WDR70: variants seen among roughly 807,000 people sequenced by gnomAD.
WDR70 encodes WD repeat domain 70, also known as WD repeat-containing protein 70.
A neutral mutation model predicts 88.6 loss-of-function variants in WDR70; 53 were observed. The observed-to-expected ratio is 0.60, with a 90% CI of 0.48 to 0.75. The LOEUF is 0.75. Ranked by LOEUF, WDR70 falls within the 30% of genes least tolerant of loss-of-function variation. WDR70 has a pLI of 0.00. For missense variants in WDR70, 610 were observed against 823.2 expected, an observed-to-expected ratio of 0.74 and a Z score of 3.17; for synonymous variants, 280 against 270.0, an observed-to-expected ratio of 1.04 and a Z score of -0.36.
At chr5:37,650,419 AAAAG>A (rs1745370094) in intron 10 of WDR70, among the ~76,000 whole-genome samples, 1 of 152,096 alleles carries the variant, frequency 6.6e-6, no homozygotes, top group African/African-American at 2.4e-5. Context: ...AAGAGAAAGA[AAAAG>A]AAAGTATTGG....
At chr5:37,737,791 G>A (rs1487730971) in intron 17 of WDR70, among the ~76,000 whole-genome samples, 2 of 152,060 alleles carry the variant, frequency 1.3e-5, no homozygotes, top group African/African-American at 4.8e-5. Flanking sequence ...GTAGAATTCT[G>A]TTTCTCTTTT....
At chr5:37,641,061 AC>A (rs1745088908) in intron 10 of WDR70, among the ~76,000 whole-genome samples, 1 of 152,162 alleles carries the variant, frequency 6.6e-6, no homozygotes, top group Non-Finnish European at 1.5e-5. Flanking sequence ...CTCTATGATC[AC>A]TACAAACCAA....
At chr5:37,476,510 T>C (rs1739489454) in intron 7 of WDR70, among the ~76,000 whole-genome samples, 1 of 152,142 alleles carries the variant, frequency 6.6e-6, no homozygotes, top group African/African-American at 2.4e-5. Context: ...GTGAATACTA[T>C]TGTGAATACT....
intron 9 of WDR70, among the ~76,000 whole-genome samples, chr5:37,524,023 C>T (rs1274674512): frequency 1.3e-5 from 2 of 152,060 alleles, no homozygotes; most frequent in African/African-American, 2.4e-5. Flanking sequence ...CTGAAAGTGA[C>T]GGGGAGAATG....
chr5:37,621,249 C>T (rs991627205), intron 10 of WDR70, among the ~76,000 whole-genome samples: 2 of 152,052 alleles, frequency 1.3e-5, no homozygotes, highest in African/African-American at 4.8e-5. Flanking sequence ...ATGTATACAT[C>T]ACCATATTGT....
chr5:37,440,097 G>T (rs1405018507), intron 6 of WDR70, among the ~76,000 whole-genome samples: 3 of 151,954 alleles, frequency 2.0e-5, no homozygotes, highest in African/African-American at 7.2e-5. Flanking sequence ...TCTTAATGAT[G>T]TCTGATGTAC....
At chr5:37,564,850 T>A (rs1290023032) in intron 9 of WDR70, among the ~76,000 whole-genome samples, 1 of 152,200 alleles carries the variant, frequency 6.6e-6, no homozygotes, top group Admixed American at 6.5e-5. Flanking sequence ...AAGAAACCTT[T>A]TTTCATTTGA....
chr5:37,634,303 A>AAAAAAAAAG (rs1744899597), intron 10 of WDR70, among the ~76,000 whole-genome samples: 1 of 151,574 alleles, frequency 6.6e-6, no homozygotes, highest in African/African-American at 2.4e-5. Flanking sequence ...TGTCTCAAAA[A>AAAAAAAAAG]AAAAAAAAGA....
chr5:37,605,472 A>T (rs1430283315), intron 10 of WDR70, among the ~76,000 whole-genome samples: 1 of 152,128 alleles, frequency 6.6e-6, no homozygotes, highest in Non-Finnish European at 1.5e-5. Flanking sequence ...TTTAAAATAA[A>T]TTTACTCTTT....
At chr5:37,580,379 A>G (rs1426835172) in intron 9 of WDR70, among the ~76,000 whole-genome samples, 1 of 152,200 alleles carries the variant, frequency 6.6e-6, no homozygotes, top group Non-Finnish European at 1.5e-5. Flanking sequence ...TCAGAAGATA[A>G]AGAGGGCTTC....
At chr5:37,588,731 C>A (rs1350754257) in intron 9 of WDR70, among the ~76,000 whole-genome samples, 1 of 151,790 alleles carries the variant, frequency 6.6e-6, no homozygotes, top group Non-Finnish European at 1.5e-5. Context: ...CATGCATTAC[C>A]ACACCTGGCT....
At chr5:37,576,187 T>C (rs927508076) in intron 9 of WDR70, among the ~76,000 whole-genome samples, 1 of 133,212 alleles carries the variant, frequency 7.5e-6, no homozygotes, top group Non-Finnish European at 1.6e-5. Flanking sequence ...TAGAATAGAA[T>C]CCAGATTGCA....
intron 13 of WDR70, among the ~76,000 whole-genome samples, chr5:37,705,529 C>T (rs767461504): frequency 6.6e-6 from 1 of 151,836 alleles, no homozygotes; most frequent in Non-Finnish European, 1.5e-5. Flanking sequence ...TTATTGTTAA[C>T]ATCAAACAGC....
chr5:37,478,303 A>G (rs538024730), intron 7 of WDR70, among the ~76,000 whole-genome samples: 2 of 152,312 alleles, frequency 1.3e-5, no homozygotes, highest in African/African-American at 4.8e-5. Context: ...TCTTTCACCA[A>G]CAAAAGTTTC....
At position 37,517,405 on chromosome 5, in the gene WDR70, T is replaced by G. The variant is rs565907526; in HGVS notation, c.917+815T>G. Among the ~76,000 whole-genome samples, 106 of 151,746 alleles carry G rather than the reference T, an allele frequency of 7.0e-4. 1 individual carries two copies. The South Asian group carries it at 0.022, about 31-fold the overall frequency. On this transcript the variant is annotated intron_variant, in intron 9 of 17. Transcript: ENST00000265107. Reference sequence around the variant, plus strand: ...TTTTTGAGATGGAGTTTCGCTCTTGTTGCCTAGGCTGGAGTGCAATGGCAC... The same window carrying G: ...TTTTTGAGATGGAGTTTCGCTCTTGGTGCCTAGGCTGGAGTGCAATGGCAC...
At chr5:37,704,340 A>G (rs1257647782) in intron 13 of WDR70, among the ~76,000 whole-genome samples, 1 of 152,234 alleles carries the variant, frequency 6.6e-6, no homozygotes, top group East Asian at 1.9e-4. Context: ...CCTCTAAATG[A>G]CTATACATTT....
chr5:37,535,294 A>G (rs997875535), intron 9 of WDR70, among the ~76,000 whole-genome samples: 2 of 152,052 alleles, frequency 1.3e-5, no homozygotes, highest in African/African-American at 4.8e-5. Flanking sequence ...TTCCTGGACA[A>G]AATCCTATTA....
intron 8 of WDR70, among the ~76,000 whole-genome samples, chr5:37,483,898 G>C (rs903579981): frequency 6.7e-6 from 1 of 149,904 alleles, no homozygotes; most frequent in Non-Finnish European, 1.5e-5. Context: ...GGGCAGAGAT[G>C]CTCCTCACCT....
At chr5:37,700,349 A>G (rs1747120050) in intron 11 of WDR70, 1 of 152,284 alleles carries the variant, frequency 6.6e-6, no homozygotes, top group African/African-American at 2.4e-5. Flanking sequence ...GGAATACTTC[A>G]CAAATTTGCA....
Sources: gnomAD v4.1 joint callset for allele counts (sites outside exome capture counted in the v4.1 genomes callset) on GRCh38, gnomAD v4.1.1 for gene constraint, MANE v1.5 for transcripts, NCBI Gene and HGNC (gene_info 2026-07-23, HGNC 2026-07-21) for gene names.